Variants in ILRUN observed in about 807,000 individuals in gnomAD.
ILRUN encodes protein ILRUN.
Under a neutral mutation model 33.8 loss-of-function variants are expected in ILRUN, and 3 were observed. The ratio of observed to expected loss-of-function variants is 0.09; its 90% CI spans 0.04 to 0.23. ILRUN has a LOEUF of 0.23. Ranked by LOEUF, ILRUN falls within the 10% of genes least tolerant of loss-of-function variation. The pLI is 1.00. For missense variants in ILRUN, 210 were observed against 375.1 expected (o/e 0.56, Z 3.64); for synonymous variants, 124 against 138.9 (o/e 0.89, Z 0.75).
At chr6:34,601,709 C>CCA (rs1554182770) in intron 4 of ILRUN, among the ~76,000 whole-genome samples, 2 of 151,752 alleles carry the variant, frequency 1.3e-5, no homozygotes, top group African/African-American at 4.9e-5. Flanking sequence ...GTACCCGCCC[C>CCA]CCCAACTACT....
chr6:34,647,157 G>A (rs1219535718), intron 2 of ILRUN, among the ~76,000 whole-genome samples: 1 of 152,094 alleles, frequency 6.6e-6, no homozygotes, highest in Non-Finnish European at 1.5e-5. Context: ...CACGTTTAGG[G>A]GACAGCTCTC....
chr6:34,691,369 A>C (rs1307158522), intron 1 of ILRUN, among the ~76,000 whole-genome samples: 4 of 152,234 alleles, frequency 2.6e-5, no homozygotes, highest in Non-Finnish European at 5.9e-5. Context: ...TTCACTTTAC[A>C]TACTCACTTA....
rs1582100019 is a variant in ILRUN at position 34,674,795 on chromosome 6, T to C, written c.159-20016A>G. 3.3e-5 allele frequency among the ~76,000 whole-genome samples: 5 copies of C among 152,122 alleles called. No homozygotes were observed. In the South Asian group the frequency reaches 1.0e-3, roughly 32 times the overall value. ...CTGAGTTTCAGCTGGGTACAGTAGCTCACACCTGTAATCCCAGCACTTTGG... is the reference window on the plus strand; with the variant it reads ...CTGAGTTTCAGCTGGGTACAGTAGCCCACACCTGTAATCCCAGCACTTTGG... On this transcript the variant is annotated intron_variant, in intron 1 of 4. Transcript: ENST00000374023.
rs1339175289 is a variant in ILRUN, at chr6:34,646,881, C to T, written c.314-83G>A. 2.3e-6 allele frequency: 3 copies of T among 1,295,290 alleles called. No homozygotes were observed. Among genetic ancestry groups the T allele is most frequent in the Non-Finnish European group, 2.2e-6 (2 of 911,384 alleles). The allele number at this position is 1,295,290 out of a possible 1,614,324, so 80.2% of individuals were successfully genotyped here. A position where few individuals can be genotyped will look rare whatever the true frequency, so the allele number is the denominator to read the frequency against. On this transcript the variant is annotated intron_variant, in intron 2 of 4. Coordinates refer to ENST00000374023, the MANE Select transcript of ILRUN (RefSeq NM_024294.4). This position sits in a 1 kb window ranked among gnomAD's most constrained non-coding sequence, Gnocchi z 4.9. The stretch of plus-strand genomic sequence containing the variant: ...GTTTATTATGAAACTGTAGAAGAGG[C>T]CTCTTTCTTTTTCTCACATACATAC...
intron 1 of ILRUN, among the ~76,000 whole-genome samples, chr6:34,682,400 G>C (rs940031053): frequency 6.6e-6 from 1 of 151,636 alleles, no homozygotes; most frequent in African/African-American, 2.4e-5. Flanking sequence ...TGGGACTACA[G>C]GCGCCCGCCA....
At chr6:34,631,689 T>C (rs1762248537) in intron 3 of ILRUN, among the ~76,000 whole-genome samples, 1 of 152,042 alleles carries the variant, frequency 6.6e-6, no homozygotes, top group Admixed American at 6.6e-5. Flanking sequence ...CAAAAAGAAG[T>C]ATCTACTCAG....
chr6:34,675,012 G>C (rs1763198434), intron 1 of ILRUN, among the ~76,000 whole-genome samples: 1 of 152,092 alleles, frequency 6.6e-6, no homozygotes, highest in Non-Finnish European at 1.5e-5. Flanking sequence ...CGAGCGCAGT[G>C]GCTCACGCAA....
intron 3 of ILRUN, among the ~76,000 whole-genome samples, chr6:34,612,663 T>G (rs956789656): frequency 6.6e-6 from 1 of 152,048 alleles, no homozygotes; most frequent in African/African-American, 2.4e-5. Flanking sequence ...TGCCAGCACT[T>G]TGGGAGGCCA....
intron 3 of ILRUN, among the ~76,000 whole-genome samples, chr6:34,612,950 G>C (rs1761790671): frequency 6.6e-6 from 1 of 152,152 alleles, no homozygotes; most frequent in Non-Finnish European, 1.5e-5. Flanking sequence ...GGCTGAGGCA[G>C]GAGAATGGCG....
intron 3 of ILRUN, among the ~76,000 whole-genome samples, chr6:34,639,932 G>A (rs1762435383): frequency 6.6e-6 from 1 of 151,980 alleles, no homozygotes; most frequent in African/African-American, 2.4e-5. Context: ...AATAATACCT[G>A]GCAAATAGTA....
At chr6:34,688,091 C>T (rs200012571) in intron 1 of ILRUN, among the ~76,000 whole-genome samples, 1 of 151,594 alleles carries the variant, frequency 6.6e-6, no homozygotes, top group Non-Finnish European at 1.5e-5. Context: ...GGAATACTAT[C>T]AAGCCATAAA....
intron 4 of ILRUN, among the ~76,000 whole-genome samples, chr6:34,596,210 C>T (rs1761396231): frequency 1.3e-5 from 2 of 152,222 alleles, no homozygotes; most frequent in South Asian, 4.1e-4. Flanking sequence ...TCTGACTACT[C>T]CGGGAGGCTT....
In ILRUN at chr6:34,666,141, T is replaced by C. The variant is rs114193033; in HGVS notation, c.159-11362A>G. On this transcript the variant is annotated intron_variant, in intron 1 of 4. Transcript: ENST00000374023. ...GCAAAGACAATGTCATGTTACCTAA[T>C]ACTACCAAAGAATGCCACATGGCAT... is the stretch of plus-strand genomic sequence containing the variant. Among the ~76,000 whole-genome samples, 485 of 152,346 alleles carry C rather than the reference T, an allele frequency of 3.2e-3. 1 individual carries two copies. Among genetic ancestry groups the C allele is most frequent in the Non-Finnish European group, 5.0e-3 (340 of 68,026 alleles).
intron 1 of ILRUN, among the ~76,000 whole-genome samples, chr6:34,678,500 G>C (rs957687557): frequency 6.6e-6 from 1 of 152,010 alleles, no homozygotes; most frequent in African/African-American, 2.4e-5. Flanking sequence ...GCTTCATTCT[G>C]AATTTGTTGG....
intron 3 of ILRUN, chr6:34,617,321 GA>G (rs202152358): frequency 3.9e-4 from 121 of 308,044 alleles, no homozygotes; most frequent in Middle Eastern, 1.2e-3. Flanking sequence ...CTCTCAAATT[GA>G]AAAAAAAAGT....
intron 1 of ILRUN, 108 bp downstream of exon 1, chr6:34,696,338 C>T: frequency 8.3e-7 from 1 of 1,199,676 alleles, no homozygotes; most frequent in Non-Finnish European, 1.1e-6. Context: ...GAAGGGGTGG[C>T]CCTCAGTACC....
rs1252608065 is a variant in ILRUN, at chr6:34,640,405, G to C, written c.511+6196C>G. 3.3e-5 allele frequency among the ~76,000 whole-genome samples: 5 copies of C among 152,074 alleles called. No individual in the cohort carries two copies. The East Asian group carries it at 9.6e-4, about 29-fold the overall frequency. ...GGAAACGTGAACTGAAACAATCTAA[G>C]AGTTATTATAAAAATAAAGGGAGTG... On this transcript the variant is annotated intron_variant, in intron 3 of 4. Transcript: ENST00000374023.
chr6:34,627,459 CTGTACCATTT>C (rs760447900), intron 3 of ILRUN, among the ~76,000 whole-genome samples: 8 of 152,302 alleles, frequency 5.3e-5, no homozygotes, highest in Non-Finnish European at 1.0e-4. Flanking sequence ...GAGAATGTGG[CTGTACCATTT>C]TGCATTCTCA....
chr6:34,624,361 T>C (rs774851743), intron 3 of ILRUN, among the ~76,000 whole-genome samples: 1 of 152,184 alleles, frequency 6.6e-6, no homozygotes, highest in African/African-American at 2.4e-5. Flanking sequence ...TTCACTCTTC[T>C]TGCCCAGGCT....
Sources: gnomAD v4.1 joint callset for allele counts (sites outside exome capture counted in the v4.1 genomes callset) on GRCh38, gnomAD v4.1.1 for gene constraint, Gnocchi (gnomAD v3.1) non-coding constraint, MANE v1.5 for transcripts, NCBI Gene and HGNC (gene_info 2026-07-23, HGNC 2026-07-21) for gene names.